Variants in C2orf80 observed in about 807,000 individuals in gnomAD.
C2orf80 encodes uncharacterized protein C2orf80.
C2orf80 carries 28 observed loss-of-function variants against 30.2 expected under a neutral mutation model. The ratio of observed to expected loss-of-function variants is 0.93; its 90% CI spans 0.69 to 1.27. The LOEUF is 1.27. C2orf80 is among the 50% of genes most tolerant of loss of function. The pLI, the probability that C2orf80 is intolerant of heterozygous loss-of-function variation, is 0.00. For missense variants in C2orf80, 220 were observed against 231.0 expected (o/e 0.95, Z 0.31); for synonymous variants, 80 against 76.4 (o/e 1.05, Z -0.24).
intron 6 of C2orf80, among the ~76,000 whole-genome samples, chr2:208,175,983 C>G (rs569091533): frequency 2.0e-5 from 3 of 152,274 alleles, no homozygotes; most frequent in East Asian, 3.9e-4. Context: ...GGCAGATCCT[C>G]AGGCTCTTAG....
Position 208,186,995 on chromosome 2 carries a change from C to G in C2orf80, c.-9G>C. The G allele has an allele frequency of 6.2e-7, 1 of 1,613,984 alleles. No individual in the cohort carries two copies. ...ATGAGCCTTCTTTCCATGTTAAAGG[C>G]TTAGCCAGCTGAGCAGGTATCTGCA... On this transcript the variant is annotated 5_prime_UTR_variant, in exon 2 of 9. Transcript: ENST00000341287.
chr2:208,171,192 C>G, intron 7 of C2orf80, 129 bp from the exon 8 acceptor site: 4 of 681,070 alleles, frequency 5.9e-6, no homozygotes, highest in Non-Finnish European at 1.0e-5. Flanking sequence ...GTCACTCAGG[C>G]TGGAGTGCAG....
intron 3 of C2orf80, 137 bp from the exon 4 acceptor site, chr2:208,183,184 T>C (rs1167794410): frequency 5.2e-6 from 3 of 578,574 alleles, no homozygotes; most frequent in Non-Finnish European, 5.9e-6. Context: ...TTAGCTTTAA[T>C]AACCTGATGC....
intron 6 of C2orf80, among the ~76,000 whole-genome samples, chr2:208,178,921 C>A (rs1316269370): frequency 2.0e-5 from 3 of 151,892 alleles, no homozygotes; most frequent in Non-Finnish European, 2.9e-5. Flanking sequence ...CCACACCTGG[C>A]AAATTTTTTG....
intron 7 of C2orf80, 81 bp from the exon 8 acceptor site, chr2:208,171,144 T>G (rs954591453): frequency 2.1e-6 from 2 of 936,832 alleles, no homozygotes; most frequent in Non-Finnish European, 3.4e-6. Context: ...TTAATTTCAT[T>G]TCACTAATTA....
At chr2:208,167,571 G>A (rs988292360) in intron 8 of C2orf80, among the ~76,000 whole-genome samples, 2 of 151,994 alleles carry the variant, frequency 1.3e-5, no homozygotes, top group Admixed American at 6.6e-5. Flanking sequence ...AGAACACTGA[G>A]GGTTTTGTTT....
chr2:208,181,860 G>T (rs1696573540), intron 4 of C2orf80, among the ~76,000 whole-genome samples: 1 of 152,160 alleles, frequency 6.6e-6, no homozygotes, highest in African/African-American at 2.4e-5. Flanking sequence ...AACTAGGAAT[G>T]GTGTTCACCC....
intron 8 of C2orf80, among the ~76,000 whole-genome samples, chr2:208,168,982 A>T (rs1231107236): frequency 6.6e-6 from 1 of 151,900 alleles, no homozygotes; most frequent in African/African-American, 2.4e-5. Context: ...TTCACTAAAT[A>T]AAAATTGTTA....
chr2:208,171,277 G>A (rs187070843), intron 7 of C2orf80, among the ~76,000 whole-genome samples: 1 of 152,034 alleles, frequency 6.6e-6, no homozygotes, highest in Non-Finnish European at 1.5e-5. Flanking sequence ...TCCTGAGTAG[G>A]TGGGACTAGA....
At position 208,183,040 on chromosome 2, in the gene C2orf80, T is replaced by C. The variant is rs763815126; in HGVS notation, c.131A>G (p.Tyr44Cys). Residue 44 changes from tyrosine to cysteine, a missense_variant, in exon 4 of 9, where the codon TAT becomes TGT. Physicochemically the swap from Tyr to Cys is radical, Grantham distance 194 (BLOSUM62 -2). Transcript: ENST00000341287. Reference sequence around the variant, plus strand: ...CAAAGCAACACTGATGGCCAAGTCATAGTGTGCCTGGGAGCAGGAAGCACA... The same window carrying C: ...CAAAGCAACACTGATGGCCAAGTCACAGTGTGCCTGGGAGCAGGAAGCACA... Reference protein sequence around the residue: ...QLTFLDDMAHYDLAISVALQW... With the variant: ...QLTFLDDMAHCDLAISVALQW... 8 of 1,613,736 alleles carry C rather than the reference T, an allele frequency of 5.0e-6. No homozygotes were observed. The highest frequency in any genetic ancestry group is 2.7e-5 in the African/African-American group (2 of 74,894).
At chr2:208,184,362 CTACTT>C (rs1696651444) in intron 3 of C2orf80, among the ~76,000 whole-genome samples, 1 of 152,152 alleles carries the variant, frequency 6.6e-6, no homozygotes. Flanking sequence ...GAGCCTGGCT[CTACTT>C]TAGTCGGAGA....
intron 4 of C2orf80, 82 bp from the exon 5 acceptor site, chr2:208,181,387 A>T: frequency 1.2e-6 from 1 of 864,862 alleles, no homozygotes; most frequent in Non-Finnish European, 2.0e-6. Context: ...ATAATCGATA[A>T]GTAATCTGCA....
At chr2:208,187,159 C>T in intron 1 of C2orf80, 98 bp from the exon 2 acceptor site, 1 of 593,838 alleles carries the variant, frequency 1.7e-6, no homozygotes, top group Non-Finnish European at 2.9e-6. Flanking sequence ...GAGGGAGCAC[C>T]TCATTCAGGC....
At chr2:208,171,200 C>T in intron 7 of C2orf80, 137 bp from the exon 8 acceptor site, 1 of 648,300 alleles carries the variant, frequency 1.5e-6, no homozygotes, top group Non-Finnish European at 2.7e-6. Context: ...GGCTGGAGTG[C>T]AGTGGTTCCA....
Position 208,184,952 on chromosome 2 carries a change from A to G in C2orf80, c.122T>C (p.Met41Thr), listed in dbSNP as rs1011024616. The change falls in exon 3 of 9, where the codon ATG becomes ACG. Residue 41 changes from methionine to threonine, a missense_variant and splice_region_variant. Coordinates refer to ENST00000341287, the MANE Select transcript of C2orf80 (RefSeq NM_001099334.3). ...GRRQLTFLDD[M>T]AHYDLAISVA... ...TCGCATCAGCGTGCCTTTCTTTACC[A>G]TATCATCTAGAAAGGTGAGTTGCCG... 1.9e-6 allele frequency: 3 copies of G among 1,612,684 alleles called. No homozygotes were observed. Among genetic ancestry groups the G allele is most frequent in the Non-Finnish European group, 2.5e-6 (3 of 1,179,122 alleles).
At chr2:208,180,065 G>C (rs997923813) in intron 6 of C2orf80, among the ~76,000 whole-genome samples, 4 of 152,152 alleles carry the variant, frequency 2.6e-5, no homozygotes, top group Non-Finnish European at 5.9e-5. Context: ...TCTTGTCCTA[G>C]TTCTAGAAGA....
chr2:208,168,660 C>CAA lies in C2orf80; in HGVS notation c.573+2283_573+2284dup, dbSNP rs67224423. On this transcript the variant is annotated intron_variant, in intron 8 of 8. Coordinates refer to ENST00000341287, the MANE Select transcript of C2orf80 (RefSeq NM_001099334.3). Reference sequence around the variant, plus strand: ...TGGGCGACAGAGCAAGACTCCGTCTCAAAAAAAAAAAAAAAAAAGAGTTGG... The same window carrying CAA: ...TGGGCGACAGAGCAAGACTCCGTCTCAAAAAAAAAAAAAAAAAAAAGAGTTGG... Among the ~76,000 whole-genome samples, 150 of 97,750 alleles carry CAA rather than the reference C, an allele frequency of 1.5e-3. 3 individuals carry two copies. Among genetic ancestry groups the CAA allele is most frequent in the Middle Eastern group, 5.3e-3 (1 of 190 alleles). 64.1% of individuals were successfully genotyped at this position (97,750 alleles called of 152,430 possible).
intron 8 of C2orf80, among the ~76,000 whole-genome samples, chr2:208,166,690 A>T (rs534732800): frequency 1.3e-5 from 2 of 151,914 alleles, no homozygotes; most frequent in South Asian, 4.2e-4. Flanking sequence ...TCACTCTGTC[A>T]CCCAGGCTGG....
chr2:208,180,737 AC>A lies in C2orf80; in HGVS notation c.366+7del. On this transcript the variant is annotated splice_region_variant and intron_variant, in intron 6 of 8. Transcript: ENST00000341287. ...TCCCTTCTATTGACAATCCCAGGTC[AC>A]CCTTACCTTGATGGTACCAGAATCG... 6.2e-7 allele frequency: 1 copy of A among 1,608,296 alleles called. No homozygotes were observed. Among genetic ancestry groups the A allele is most frequent in the Non-Finnish European group, 8.5e-7 (1 of 1,176,912 alleles).
Sources: gnomAD v4.1 joint callset for allele counts (sites outside exome capture counted in the v4.1 genomes callset) on GRCh38, gnomAD v4.1.1 for gene constraint, MANE v1.5 for transcripts, NCBI Gene and HGNC (gene_info 2026-07-23, HGNC 2026-07-21) for gene names.